TAF4B: variants seen among roughly 807,000 people sequenced by gnomAD.
TAF4B encodes TATA-box binding protein associated factor 4b.
TAF4B carries 38 observed loss-of-function variants against 86.4 expected under a neutral mutation model. That is an observed-to-expected ratio of 0.44 (90% confidence interval 0.34 to 0.58). The LOEUF is 0.58. TAF4B is among the 20% of genes least tolerant of loss of function. The pLI is 0.02. For missense variants in TAF4B, 988 were observed against 1,027.6 expected (o/e 0.96, Z 0.53); for synonymous variants, 388 against 391.2 (o/e 0.99, Z 0.10).
intron 1 of TAF4B, among the ~76,000 whole-genome samples, chr18:26,253,410 G>C (rs1354326677): frequency 1.3e-5 from 2 of 152,142 alleles, no homozygotes; most frequent in Admixed American, 6.5e-5. Context: ...AACCACCCTT[G>C]TATTCTTGAG....
chr18:26,357,205 T>C (rs1262913130), intron 13 of TAF4B, among the ~76,000 whole-genome samples: 2 of 152,212 alleles, frequency 1.3e-5, no homozygotes, highest in Admixed American at 1.3e-4. Context: ...TGATGTATAA[T>C]TTTTATATTA....
chr18:26,327,710 C>T (rs1186036537), intron 12 of TAF4B, among the ~76,000 whole-genome samples: 2 of 152,178 alleles, frequency 1.3e-5, no homozygotes, highest in Admixed American at 6.5e-5. Context: ...GCTGGGACTA[C>T]AGGTGCCTGC....
intron 1 of TAF4B, chr18:26,256,268 G>A: frequency 6.7e-7 from 1 of 1,501,256 alleles, no homozygotes; most frequent in Non-Finnish European, 9.3e-7. Context: ...AGCGTTTACT[G>A]TCAGTGAATC....
chr18:26,260,223 C>G (rs983613254), intron 1 of TAF4B, among the ~76,000 whole-genome samples: 1 of 152,122 alleles, frequency 6.6e-6, no homozygotes, highest in Non-Finnish European at 1.5e-5. Context: ...TTCTCCCATT[C>G]TGTAGGTTGC....
chr18:26,246,043 C>G (rs907251433), intron 1 of TAF4B, among the ~76,000 whole-genome samples: 1 of 152,080 alleles, frequency 6.6e-6, no homozygotes, highest in South Asian at 2.1e-4. Context: ...ATATTTCAAT[C>G]GGCATTGCTA....
rs146229977 is a variant in TAF4B at position 26,240,032 on chromosome 18, G to A, written c.343+12756G>A. On this transcript the variant is annotated intron_variant, in intron 1 of 14. Coordinates refer to ENST00000269142, the MANE Select transcript of TAF4B (RefSeq NM_005640.3). ...GAAGTCAGGTAGCGTGATGCCTCCA[G>A]CTTTGTTCTTTTGGCTTATGATTGT... Among the ~76,000 whole-genome samples the A allele has an allele frequency of 8.0e-3, 1,222 of 152,290 alleles. 16 individuals carry two copies. The highest frequency in any genetic ancestry group is 0.028 in the African/African-American group (1,159 of 41,552).
chr18:26,249,341 G>A (rs1353224581), intron 1 of TAF4B, among the ~76,000 whole-genome samples: 1 of 152,102 alleles, frequency 6.6e-6, no homozygotes, highest in Non-Finnish European at 1.5e-5. Context: ...ATTAGCCAGG[G>A]TATTGTGGTA....
chr18:26,230,620 G>A (rs190924435), intron 1 of TAF4B, among the ~76,000 whole-genome samples: 3 of 152,266 alleles, frequency 2.0e-5, no homozygotes, highest in East Asian at 1.9e-4. Flanking sequence ...CCTCTCCTGC[G>A]GATCTTCCTC....
At chr18:26,274,542 T>G in intron 3 of TAF4B, 121 bp from the exon 4 acceptor site, 1 of 1,062,316 alleles carries the variant, frequency 9.4e-7, no homozygotes, top group African/African-American at 1.6e-5. Flanking sequence ...TGCCTTAGAC[T>G]ACTAGAGCAT....
intron 9 of TAF4B, among the ~76,000 whole-genome samples, chr18:26,298,700 C>CT (rs972048461): frequency 1.7e-4 from 26 of 149,042 alleles, no homozygotes; most frequent in Admixed American, 5.4e-4. Flanking sequence ...GCCCAAGTAA[C>CT]TTTTTTTTTT....
chr18:26,256,500 C>G, intron 1 of TAF4B: 1 of 609,048 alleles, frequency 1.6e-6, no homozygotes, highest in Non-Finnish European at 2.9e-6. Flanking sequence ...TTTTTCTATT[C>G]TCTATTTGCC....
chr18:26,247,365 G>A (rs1007359356), intron 1 of TAF4B, among the ~76,000 whole-genome samples: 1 of 152,132 alleles, frequency 6.6e-6, no homozygotes, highest in African/African-American at 2.4e-5. Flanking sequence ...TTGTTGATAG[G>A]TACTCTGTGG....
In TAF4B at chr18:26,391,022, T is replaced by C. The variant is rs969444718; in HGVS notation, c.*1010T>C. ...AATATATTTTAGTTATCCTAATTTT[T>C]AAGCATGTTGGCACATTTAAAAAAT... On this transcript the variant is annotated 3_prime_UTR_variant, in exon 15 of 15. Transcript: ENST00000269142. 2 of 152,214 alleles carry C rather than the reference T, an allele frequency of 1.3e-5. No individual in the cohort carries two copies. Among genetic ancestry groups the C allele is most frequent in the Non-Finnish European group, 1.5e-5 (1 of 68,032 alleles). The allele number at this position is 152,214 out of a possible 1,614,324, so 9.4% of individuals were successfully genotyped here.
At chr18:26,246,892 C>T (rs1048142501) in intron 1 of TAF4B, among the ~76,000 whole-genome samples, 1 of 150,150 alleles carries the variant, frequency 6.7e-6, no homozygotes, top group Non-Finnish European at 1.5e-5. Flanking sequence ...CTCTTGTTGC[C>T]CAGGTTGGAG....
intron 9 of TAF4B, among the ~76,000 whole-genome samples, chr18:26,302,041 TA>T (rs1229216496): frequency 2.0e-5 from 3 of 152,334 alleles, no homozygotes; most frequent in African/African-American, 7.2e-5. Context: ...TGCCTTCAAA[TA>T]AACTTAAAAT....
intron 9 of TAF4B, chr18:26,304,990 G>A (rs2056779608): frequency 3.0e-5 from 19 of 634,304 alleles, no homozygotes; most frequent in Non-Finnish European, 3.7e-5. Context: ...TATATACATT[G>A]TAAGTATTTT....
At chr18:26,256,978 A>T (rs1286927721) in intron 1 of TAF4B, among the ~76,000 whole-genome samples, 1 of 152,104 alleles carries the variant, frequency 6.6e-6, no homozygotes, top group Non-Finnish European at 1.5e-5. Flanking sequence ...TATAATTTCA[A>T]TTTTTGAAAG....
In TAF4B at chr18:26,226,768, C is replaced by T. The variant is rs1381712733; in HGVS notation, c.-166C>T. The T allele has an allele frequency of 2.7e-5, 14 of 509,766 alleles. No individual in the cohort carries two copies. In the Admixed American group the frequency reaches 4.8e-4, roughly 18 times the overall value. 31.6% of individuals were successfully genotyped at this position (509,766 alleles called of 1,614,324 possible). On this transcript the variant is annotated 5_prime_UTR_variant, in exon 1 of 15. Transcript: ENST00000269142. ...AAGGTCCGGGACGCGCGTGTCCTGC[C>T]GTGCAGCGGGCGCCCGTCACTGACT...
At chr18:26,265,556 A>G (rs1047757458) in intron 2 of TAF4B, among the ~76,000 whole-genome samples, 1 of 152,166 alleles carries the variant, frequency 6.6e-6, no homozygotes, top group East Asian at 1.9e-4. Flanking sequence ...TCAGAGGGCT[A>G]TCTGCATCTT....
Sources: gnomAD v4.1 joint callset for allele counts (sites outside exome capture counted in the v4.1 genomes callset) on GRCh38, gnomAD v4.1.1 for gene constraint, MANE v1.5 for transcripts, NCBI Gene and HGNC (gene_info 2026-07-23, HGNC 2026-07-21) for gene names.